Variants in PTBP1 observed in about 807,000 individuals in gnomAD.
PTBP1 encodes polypyrimidine tract-binding protein 1.
PTBP1 carries 8 observed loss-of-function variants against 59.8 expected under a neutral mutation model. The observed-to-expected ratio is 0.13, with a 90% confidence interval of 0.08 to 0.24. The LOEUF (loss-of-function observed/expected upper bound fraction) is 0.24, where lower values mean the gene tolerates loss of function less well. Ranked by LOEUF, PTBP1 falls within the 10% of genes least tolerant of loss-of-function variation. PTBP1 has a pLI of 1.00. For missense variants in PTBP1, 686 were observed against 767.0 expected, an observed-to-expected ratio of 0.89 and a Z score of 1.25; for synonymous variants, 490 against 320.7, an observed-to-expected ratio of 1.53 and a Z score of -5.64.
Position 797,460 on chromosome 19 carries a change from G to A in PTBP1, c.-38G>A, listed in dbSNP as rs2034118812. Reference sequence around the variant, plus strand: ...TTGGGTCGGTTCCTGCTATTCCGGCGCCTCCACTCCGTCCCCCGCGGGTCT... The same window carrying A: ...TTGGGTCGGTTCCTGCTATTCCGGCACCTCCACTCCGTCCCCCGCGGGTCT... On this transcript the variant is annotated 5_prime_UTR_variant, in exon 1 of 15. Transcript: ENST00000356948. The A allele has an allele frequency of 2.5e-6, 4 of 1,599,136 alleles. No individual in the cohort carries two copies. The highest frequency in any genetic ancestry group is 1.4e-5 in the African/African-American group (1 of 73,716).
At chr19:810,329 G>T (rs557433171) in intron 13 of PTBP1, among the ~76,000 whole-genome samples, 1 of 152,126 alleles carries the variant, frequency 6.6e-6, no homozygotes, top group Non-Finnish European at 1.5e-5. Flanking sequence ...GGAGGAGCGT[G>T]GTACTCTGTT....
chr19:801,853 C>T (rs943813325), intron 2 of PTBP1, among the ~76,000 whole-genome samples: 2 of 152,186 alleles, frequency 1.3e-5, no homozygotes, highest in Admixed American at 6.5e-5. Context: ...TGCGCAGCCC[C>T]GCCTTGTGCT....
chr19:797,666 G>A (rs1049823973), intron 1 of PTBP1, among the ~76,000 whole-genome samples, 161 bp downstream of exon 1: 1 of 149,554 alleles, frequency 6.7e-6, no homozygotes, highest in Non-Finnish European at 1.5e-5. Context: ...GGTGCGGGGC[G>A]GGTCAGGGGC....
chr19:802,966 C>T (rs139682786), intron 2 of PTBP1, among the ~76,000 whole-genome samples: 1 of 152,232 alleles, frequency 6.6e-6, no homozygotes, highest in Admixed American at 6.5e-5. Flanking sequence ...GGCGGGAGGC[C>T]GTGTCTCTAG....
At chr19:799,515 G>A (rs1300269259) in intron 2 of PTBP1, 72 bp downstream of exon 2, 2 of 1,493,416 alleles carry the variant, frequency 1.3e-6, no homozygotes, top group Non-Finnish European at 1.9e-6. Context: ...CCACCCCCCA[G>A]CGCTGTTGCG....
chr19:808,540 C>G lies in PTBP1; in HGVS notation c.1247-6C>G. On this transcript the variant is annotated splice_polypyrimidine_tract_variant and splice_region_variant and intron_variant, in intron 12 of 14. Transcript: ENST00000356948. This position sits in a 1 kb window ranked among gnomAD's most constrained non-coding sequence, Gnocchi z 4.7. The stretch of plus-strand genomic sequence containing the variant: ...GCGCCTGGTCACGCGGGTGCTGCTC[C>G]CCCAGCCATGAGCCACCTGAACGGG... 1.9e-6 allele frequency: 3 copies of G among 1,582,940 alleles called. No homozygotes were observed. The highest frequency in any genetic ancestry group is 2.6e-6 in the Non-Finnish European group (3 of 1,166,960).
At chr19:803,409 G>T in intron 2 of PTBP1, 152 bp from the exon 3 acceptor site, 2 of 670,586 alleles carry the variant, frequency 3.0e-6, no homozygotes, top group Non-Finnish European at 5.3e-6. Context: ...CTGGGTCTGC[G>T]CTCAGGCTGC....
intron 9 of PTBP1, 81 bp downstream of exon 9, chr19:805,650 AGCCTGGGCG>A (rs2034530995): frequency 1.6e-6 from 2 of 1,254,754 alleles, no homozygotes; most frequent in Admixed American, 3.4e-5. Context: ...CCACGGCGGC[AGCCTGGGCG>A]GACTGGGCAC....
chr19:799,223 G>C, intron 1 of PTBP1, 190 bp from the exon 2 acceptor site: 1 of 691,508 alleles, frequency 1.4e-6, no homozygotes, highest in Non-Finnish European at 2.6e-6. Context: ...TTTTCAAGTT[G>C]CAGTCAAGTG....
At chr19:809,231 TCTC>T (rs1338381583) in intron 13 of PTBP1, among the ~76,000 whole-genome samples, 1 of 152,076 alleles carries the variant, frequency 6.6e-6, no homozygotes, top group Non-Finnish European at 1.5e-5. Flanking sequence ...CTGATCTTGA[TCTC>T]CTGACCTTGT....
intron 1 of PTBP1, among the ~76,000 whole-genome samples, chr19:799,074 G>GA (rs1460364492): frequency 2.0e-5 from 3 of 152,240 alleles, no homozygotes; most frequent in Non-Finnish European, 4.4e-5. Flanking sequence ...AGCAGCCCTT[G>GA]AACCCTCTCA....
chr19:808,829 G>T lies in PTBP1; in HGVS notation c.1463+67G>T. On this transcript the variant is annotated intron_variant, in intron 13 of 14. Coordinates refer to ENST00000356948, the MANE Select transcript of PTBP1 (RefSeq NM_002819.5). This position sits in a 1 kb window ranked among gnomAD's most constrained non-coding sequence, Gnocchi z 4.7. ...AAGGGCTCTGCTTGGCTGTCCTACC[G>T]CGTCGGTGTGTGGACTTCTGGCGTT... 6.9e-7 allele frequency: 1 copy of T among 1,449,162 alleles called. No homozygotes were observed. The highest frequency in any genetic ancestry group is 9.5e-7 in the Non-Finnish European group (1 of 1,054,592). 89.8% of individuals were successfully genotyped at this position (1,449,162 alleles called of 1,614,324 possible).
chr19:799,559 C>CACT, intron 2 of PTBP1, 116 bp downstream of exon 2: 1 of 1,010,090 alleles, frequency 9.9e-7, no homozygotes, highest in East Asian at 2.4e-5. Flanking sequence ...TCCTAAGGGG[C>CACT]ACTACCCTTG....
chr19:811,007 A>C lies in PTBP1; in HGVS notation c.*181A>C, dbSNP rs913509576. The C allele has an allele frequency of 3.7e-5, 23 of 628,964 alleles. No homozygotes were observed. The highest frequency in any genetic ancestry group is 4.4e-4 in the Middle Eastern group (1 of 2,274). The allele number at this position is 628,964 out of a possible 1,614,324, so 39.0% of individuals were successfully genotyped here. On this transcript the variant is annotated 3_prime_UTR_variant, in exon 15 of 15. Transcript: ENST00000356948. ...TTCACCTTGCTCACCCTGCGGTGAC[A>C]GGGACAGCTCAGGCTCTTGGTGACT...
At chr19:799,831 C>T (rs887589880) in intron 2 of PTBP1, among the ~76,000 whole-genome samples, 1 of 152,190 alleles carries the variant, frequency 6.6e-6, no homozygotes, top group Admixed American at 6.6e-5. Flanking sequence ...AAAAGAGCCA[C>T]CTGGCTGTGG....
rs2034846489 is a variant in PTBP1 at position 811,141 on chromosome 19, G to A, written c.*315G>A. ...GCCTGCAGGTGGGCGCCCCGACCAC[G>A]ACTTGGCTTCCTTGTGCCTTAAAAA... On this transcript the variant is annotated 3_prime_UTR_variant, in exon 15 of 15. Coordinates refer to ENST00000356948, the MANE Select transcript of PTBP1 (RefSeq NM_002819.5). 2 of 253,116 alleles carry A rather than the reference G, an allele frequency of 7.9e-6. No homozygotes were observed. The highest frequency in any genetic ancestry group is 7.7e-5 in the East Asian group (1 of 12,964). The allele number at this position is 253,116 out of a possible 1,614,324, so 15.7% of individuals were successfully genotyped here.
chr19:804,119 C>T lies in PTBP1; in HGVS notation c.199C>T (p.Pro67Ser). ...PSRVIHIRKL[P>S]IDVTEGEVIS... ...TAGAGTGATCCACATCCGGAAGCTC[C>T]CCATCGACGTCACGGAGGGGGAAGT... The change falls in exon 4 of 15, where the codon CCC becomes TCC. Residue 67 changes from proline (P) to serine (S), a missense_variant. Coordinates refer to ENST00000356948, the MANE Select transcript of PTBP1 (RefSeq NM_002819.5). 2 of 1,613,906 alleles carry T rather than the reference C, an allele frequency of 1.2e-6. No individual in the cohort carries two copies. Among genetic ancestry groups the T allele is most frequent in the Non-Finnish European group, 1.7e-6 (2 of 1,179,920 alleles).
In PTBP1 at chr19:806,437, C is replaced by G; in HGVS notation, c.1000C>G (p.Leu334Val). ...TTCCGTTCCGAACGTCCACGGCGCCCTGGCCCCCCTGGCCATCCCCTCGGC... is the reference window on the plus strand; with the variant it reads ...TTCCGTTCCGAACGTCCACGGCGCCGTGGCCCCCCTGGCCATCCCCTCGGC... ...GLSVPNVHGA[L>V]APLAIPSAAA... is the part of the protein sequence containing the mutation. The change falls in exon 10 of 15, where the codon CTG (leucine) becomes GTG (valine). Residue 334 changes from leucine to valine, a missense_variant. Transcript: ENST00000356948. The G allele has an allele frequency of 6.2e-7, 1 of 1,601,830 alleles. No individual in the cohort carries two copies. Among genetic ancestry groups the G allele is most frequent in the Non-Finnish European group, 8.5e-7 (1 of 1,174,472 alleles).
intron 1 of PTBP1, among the ~76,000 whole-genome samples, chr19:797,884 C>T (rs1012471298): frequency 4.3e-4 from 64 of 148,972 alleles, no homozygotes; most frequent in Non-Finnish European, 5.5e-4. Context: ...GCCTCCCGTC[C>T]GCTCCCCTCG....
Sources: allele counts gnomAD v4.1 joint callset (sites outside exome capture counted in the v4.1 genomes callset), GRCh38; gene constraint gnomAD v4.1.1; non-coding constraint Gnocchi (gnomAD v3.1); transcripts MANE v1.5; gene names NCBI Gene and HGNC (gene_info 2026-07-23, HGNC 2026-07-21).